TMEM170A: variants seen among roughly 807,000 people sequenced by gnomAD.
TMEM170A encodes transmembrane protein 170.
TMEM170A carries 18 observed loss-of-function variants against 12.8 expected under a neutral mutation model. The ratio of observed to expected loss-of-function variants is 1.41; its 90% CI spans 0.97 to 2.09. The LOEUF is 2.09. Ranked by LOEUF, TMEM170A falls within the 30% of genes most tolerant of loss-of-function variation. The pLI is 0.00. For synonymous variants in TMEM170A, 107 were observed against 76.2 expected (o/e 1.40, Z -2.11); for missense variants, 220 against 179.9 (o/e 1.22, Z -1.28).
chr16:75,454,246 G>A (rs910998529), intron 1 of TMEM170A, among the ~76,000 whole-genome samples: 1 of 146,680 alleles, frequency 6.8e-6, no homozygotes, highest in Non-Finnish European at 1.6e-5. Flanking sequence ...AATATTTCCA[G>A]ACATTGTCAA....
At chr16:75,453,604 C>G (rs1217301009) in intron 1 of TMEM170A, among the ~76,000 whole-genome samples, 1 of 152,238 alleles carries the variant, frequency 6.6e-6, no homozygotes, top group East Asian at 1.9e-4. Context: ...ATTCATTCCA[C>G]AATCATTTGA....
At position 75,451,830 on chromosome 16, in the gene TMEM170A, T is replaced by C. The variant is rs2079691689; in HGVS notation, c.143A>G (p.Tyr48Cys). Residue 48 changes from tyrosine to cysteine, a missense_variant, in exon 2 of 3, where the codon TAT (tyrosine) becomes TGT (cysteine). Physicochemically the swap from Tyr to Cys is radical, Grantham distance 194. Coordinates refer to ENST00000561878, the MANE Select transcript of TMEM170A (RefSeq NM_145254.3). ...TSLCSFPEMW[Y>C]GVFLWALVSS... ...CACCAGTGCCCACAGGAATACACCA[T>C]ACCACATCTCTATGAGGGAAGACAA... 2.5e-6 allele frequency: 4 copies of C among 1,611,862 alleles called. No homozygotes were observed. Among genetic ancestry groups the C allele is most frequent in the Non-Finnish European group, 3.4e-6 (4 of 1,178,816 alleles).
At chr16:75,452,090 G>A (rs552754442) in intron 1 of TMEM170A, among the ~76,000 whole-genome samples, 18 of 152,118 alleles carry the variant, frequency 1.2e-4, no homozygotes, top group African/African-American at 4.3e-4. Flanking sequence ...TCCTGCCTCA[G>A]CCTCCCGAGT....
intron 2 of TMEM170A, 71 bp from the exon 3 acceptor site, chr16:75,447,759 T>C (rs1333960291): frequency 5.5e-6 from 8 of 1,465,114 alleles, no homozygotes; most frequent in Middle Eastern, 1.8e-4. Flanking sequence ...AAATACAACA[T>C]TTAAAATACT....
In TMEM170A at chr16:75,447,317, C is replaced by T. The variant is rs451589; in HGVS notation, c.*241G>A. ...AGGTACACATGAAAACTGCTTAAAT[C>T]AAATATCTACAAAAAAGAAAGCCAA... On this transcript the variant is annotated 3_prime_UTR_variant, in exon 3 of 3. Transcript: ENST00000561878. The T allele has an allele frequency of 0.92, 291,407 of 317,426 alleles. 134,190 individuals carry two copies. Among genetic ancestry groups the T allele is most frequent in the East Asian group, 1 (18,464 of 18,466 alleles). 19.7% of individuals were successfully genotyped at this position (317,426 alleles called of 1,614,324 possible). A position where few individuals can be genotyped will look rare whatever the true frequency, so the allele number is the denominator to read the frequency against.
Position 75,451,737 on chromosome 16 carries a change from C to A in TMEM170A, c.236G>T (p.Gly79Val). ...CAGGATGCTTACAGACATGAACCTA[C>A]CATATTTGTGATGTCTGAGGGTGAA... ...ALFTLRHHKY[G>V]RFMSVSILLM... Residue 79 changes from glycine (G) to valine (V), a missense_variant, in exon 2 of 3, where the codon GGT becomes GTT. Transcript: ENST00000561878. The A allele has an allele frequency of 6.2e-7, 1 of 1,614,104 alleles. No individual in the cohort carries two copies. Among genetic ancestry groups the A allele is most frequent in the Non-Finnish European group, 8.5e-7 (1 of 1,180,000 alleles).
chr16:75,464,583 G>T lies in TMEM170A; in HGVS notation c.18C>A (p.Ser6Arg). Residue 6 changes from serine to arginine, a missense_variant, in exon 1 of 3, where the codon AGC becomes AGA. Ser to Arg is a moderately radical substitution (Grantham distance 110, BLOSUM62 -1). Coordinates refer to ENST00000561878, the MANE Select transcript of TMEM170A (RefSeq NM_145254.3). ...GCCCGGCCGACCCGCCGCTGCCGCC[G>T]CTCCCCTCGCGCTCCATCCCGTCGC... MEREG[S>R]GGSGGSAGLL... The T allele has an allele frequency of 6.3e-7, 1 of 1,585,606 alleles. No homozygotes were observed. The highest frequency in any genetic ancestry group is 2.4e-5 in the East Asian group (1 of 41,008).
At chr16:75,459,294 C>T (rs1229163441) in intron 1 of TMEM170A, among the ~76,000 whole-genome samples, 2 of 152,210 alleles carry the variant, frequency 1.3e-5, no homozygotes, top group South Asian at 2.1e-4. Flanking sequence ...TTAACAAAAG[C>T]GGTCTATAAT....
chr16:75,461,605 T>C (rs530587960), intron 1 of TMEM170A, among the ~76,000 whole-genome samples: 3 of 152,204 alleles, frequency 2.0e-5, no homozygotes, highest in Non-Finnish European at 4.4e-5. Flanking sequence ...GTGTCTCAAA[T>C]AGGATATAAC....
In TMEM170A at chr16:75,446,513, T is replaced by C. The variant is rs904549664; in HGVS notation, c.*1045A>G. The C allele has an allele frequency of 6.6e-6, 1 of 152,216 alleles. No individual in the cohort carries two copies. Among genetic ancestry groups the C allele is most frequent in the Non-Finnish European group, 1.5e-5 (1 of 68,040 alleles). 9.4% of individuals were successfully genotyped at this position (152,216 alleles called of 1,614,324 possible). A position where few individuals can be genotyped will look rare whatever the true frequency, so the allele number is the denominator to read the frequency against. ...GGGTACATATCTGAACATTAAACTTTAGGCACTTTCTGGGAGTTGATACCC... is the reference window on the plus strand; with the variant it reads ...GGGTACATATCTGAACATTAAACTTCAGGCACTTTCTGGGAGTTGATACCC... On this transcript the variant is annotated 3_prime_UTR_variant, in exon 3 of 3. Coordinates refer to ENST00000561878, the MANE Select transcript of TMEM170A (RefSeq NM_145254.3).
chr16:75,461,514 C>A (rs935812583), intron 1 of TMEM170A, among the ~76,000 whole-genome samples: 1 of 152,226 alleles, frequency 6.6e-6, no homozygotes, highest in African/African-American at 2.4e-5. Flanking sequence ...GCATACACTG[C>A]AAGTAACCTT....
In TMEM170A at chr16:75,444,972, T is replaced by G. The variant is rs2079559013; in HGVS notation, c.*2586A>C. ...TTAAGAGGAGGGGCCCACTAACTAC[T>G]GGTCTATATGTTTAGTGTATGAAAT... is the stretch of plus-strand genomic sequence containing the variant. On this transcript the variant is annotated 3_prime_UTR_variant, in exon 3 of 3. Coordinates refer to ENST00000561878, the MANE Select transcript of TMEM170A (RefSeq NM_145254.3). The G allele has an allele frequency of 6.6e-6, 1 of 152,214 alleles. No individual in the cohort carries two copies. The highest frequency in any genetic ancestry group is 2.4e-5 in the African/African-American group (1 of 41,460). The allele number at this position is 152,214 out of a possible 1,614,324, so 9.4% of individuals were successfully genotyped here. A position where few individuals can be genotyped will look rare whatever the true frequency, so the allele number is the denominator to read the frequency against.
chr16:75,458,572 GGCAA>G (rs1217727800), intron 1 of TMEM170A: 2 of 152,166 alleles, frequency 1.3e-5, no homozygotes, highest in Admixed American at 1.3e-4. Flanking sequence ...TGCTGGAAAA[GGCAA>G]GCAAAGTTCT....
chr16:75,447,859 C>G (rs890534119), intron 2 of TMEM170A, among the ~76,000 whole-genome samples, 171 bp from the exon 3 acceptor site: 2 of 152,206 alleles, frequency 1.3e-5, no homozygotes, highest in Non-Finnish European at 2.9e-5. Flanking sequence ...GACTACTCTA[C>G]ACTTTGAGTA....
rs1006430621 is a variant in TMEM170A, at chr16:75,443,126, T to C, written c.*4432A>G. On this transcript the variant is annotated 3_prime_UTR_variant, in exon 3 of 3. Transcript: ENST00000561878. ...TCATAAATTAGTAAGAAGTAGAACA[T>C]AAAAAAAGTTACACATGCTAGATAT... 3 of 151,964 alleles carry C rather than the reference T, an allele frequency of 2.0e-5. No individual in the cohort carries two copies. The highest frequency in any genetic ancestry group is 2.9e-5 in the Non-Finnish European group (2 of 67,982). 9.4% of individuals were successfully genotyped at this position (151,964 alleles called of 1,614,324 possible). A position where few individuals can be genotyped will look rare whatever the true frequency, so the allele number is the denominator to read the frequency against.
chr16:75,464,423 G>A (rs780949725), intron 1 of TMEM170A, 45 bp downstream of exon 1: 1 of 1,399,546 alleles, frequency 7.1e-7, no homozygotes, highest in Non-Finnish European at 9.3e-7. Context: ...GCACGGCAGC[G>A]GCGACGGCGG....
At chr16:75,461,773 T>G (rs2079912243) in intron 1 of TMEM170A, among the ~76,000 whole-genome samples, 1 of 152,236 alleles carries the variant, frequency 6.6e-6, no homozygotes, top group East Asian at 1.9e-4. Context: ...AAATGTATAC[T>G]TACTGAATAA....
At chr16:75,447,709 G>A in intron 2 of TMEM170A, 21 bp from the exon 3 acceptor site, 5 of 1,550,422 alleles carry the variant, frequency 3.2e-6, no homozygotes, top group South Asian at 1.2e-5. Flanking sequence ...ATGCAAGAAT[G>A]TTAAACAAAA....
intron 2 of TMEM170A, among the ~76,000 whole-genome samples, chr16:75,449,047 C>A (rs2079634310): frequency 6.6e-6 from 1 of 151,772 alleles, no homozygotes; most frequent in Admixed American, 6.6e-5. Flanking sequence ...GGTGACAGAA[C>A]AAGACCCTGT....
Sources: gnomAD v4.1 joint callset for allele counts (sites outside exome capture counted in the v4.1 genomes callset) on GRCh38, gnomAD v4.1.1 for gene constraint, MANE v1.5 for transcripts, NCBI Gene and HGNC (gene_info 2026-07-23, HGNC 2026-07-21) for gene names.